PTPRN2: variants seen among roughly 807,000 people sequenced by gnomAD.
PTPRN2 encodes protein tyrosine phosphatase receptor type N2.
In PTPRN2, 74 loss-of-function variants were observed where a neutral mutation model predicts 118.8. That is an observed-to-expected ratio of 0.62 (90% CI 0.52 to 0.76). PTPRN2 has a LOEUF of 0.76. Among genes scored for constraint, PTPRN2 ranks in the 30% least tolerant of loss-of-function variants. The probability of loss-of-function intolerance (pLI) is 0.00; values close to 1 mark genes in which losing one functional copy is unlikely to be tolerated. For synonymous variants in PTPRN2, 641 were observed against 608.0 expected (o/e 1.05, Z -0.80); for missense variants, 1,481 against 1,394.4 (o/e 1.06, Z -0.99).
At chr7:158,111,836 C>T (rs1459095868) in intron 9 of PTPRN2, among the ~76,000 whole-genome samples, 2 of 152,132 alleles carry the variant, frequency 1.3e-5, no homozygotes, top group East Asian at 1.9e-4. Context: ...ATGTTGAAAT[C>T]CTAAAACCCA....
intron 2 of PTPRN2, among the ~76,000 whole-genome samples, chr7:158,340,814 ATG>A (rs1396063575): frequency 3.5e-5 from 1 of 28,768 alleles, no homozygotes; most frequent in African/African-American, 1.2e-4. Context: ...ACACCCACAC[ATG>A]TCACTCACAC....
chr7:158,510,762 G>A (rs1315663164), intron 1 of PTPRN2, among the ~76,000 whole-genome samples: 1 of 152,204 alleles, frequency 6.6e-6, no homozygotes. Flanking sequence ...TAGGTCGGAT[G>A]TGAATGTAAA....
At chr7:157,638,531 G>A (rs1183957820) in intron 14 of PTPRN2, among the ~76,000 whole-genome samples, 1 of 152,252 alleles carries the variant, frequency 6.6e-6, no homozygotes, top group Admixed American at 6.5e-5. Flanking sequence ...CAATTGCTTT[G>A]AAACGAGGAG....
intron 10 of PTPRN2, among the ~76,000 whole-genome samples, chr7:158,083,724 T>G (rs140135534): frequency 1.6e-3 from 248 of 152,202 alleles, no homozygotes; most frequent in African/African-American, 5.8e-3. Context: ...ACCCTCGGGG[T>G]ACATCTCGCA....
chr7:158,081,284 G>A lies in PTPRN2; in HGVS notation c.1723+14C>T, dbSNP rs142656223. 3.0e-4 allele frequency: 489 copies of A among 1,611,386 alleles called. 1 individual carries two copies. In the African/African-American group the frequency reaches 5.5e-3, roughly 18 times the overall value. The stretch of plus-strand genomic sequence containing the variant: ...CGTGTGTGTGCGTGTACGTGTGTGT[G>A]GAAACAGCCTCACCTGTGGCCTTCT... On this transcript the variant is annotated intron_variant, in intron 11 of 22. Transcript: ENST00000389418.
rs771656709 is a variant in PTPRN2, at chr7:157,895,553, A to AT, written c.1788+3119dup. 4.6e-5 allele frequency among the ~76,000 whole-genome samples: 7 copies of AT among 152,356 alleles called. No homozygotes were observed. In the East Asian group the frequency reaches 1.3e-3, roughly 29 times the overall value. ...AGATTTGATAAATTACTAAATAAAAATTTTTTTCTAAGTGAAAAATACAGT... is the reference window on the plus strand; with the variant it reads ...AGATTTGATAAATTACTAAATAAAAATTTTTTTTCTAAGTGAAAAATACAGT... On this transcript the variant is annotated intron_variant, in intron 12 of 22. Transcript: ENST00000389418.
chr7:158,395,033 C>T (rs1290220638), intron 2 of PTPRN2, among the ~76,000 whole-genome samples: 3 of 152,190 alleles, frequency 2.0e-5, no homozygotes, highest in African/African-American at 7.2e-5. Flanking sequence ...TGTAAAACTT[C>T]GGCTCCTCTA....
chr7:158,334,455 T>TCC (rs1805172501), intron 2 of PTPRN2, among the ~76,000 whole-genome samples: 2 of 9,540 alleles, frequency 2.1e-4, no homozygotes, highest in Non-Finnish European at 5.8e-4. Flanking sequence ...CCATAAGAGG[T>TCC]GACGCCCATA....
chr7:158,315,095 A>C (rs111611602), intron 3 of PTPRN2, among the ~76,000 whole-genome samples: 5 of 22,388 alleles, frequency 2.2e-4, no homozygotes, highest in South Asian at 3.3e-3. Flanking sequence ...GGGACCCCCT[A>C]AAGGACAGAG....
chr7:158,217,453 G>T (rs1282692170), intron 3 of PTPRN2, among the ~76,000 whole-genome samples: 1 of 152,094 alleles, frequency 6.6e-6, no homozygotes, highest in African/African-American at 2.4e-5. Context: ...AAAACAAAAA[G>T]CCCTATCCCC....
At chr7:158,007,782 GGCTGTGTGTGGGTGGGTGT>G (rs567581262) in intron 11 of PTPRN2, among the ~76,000 whole-genome samples, 282 of 151,610 alleles carry the variant, frequency 1.9e-3, no homozygotes, top group Admixed American at 3.1e-3. Flanking sequence ...TGCTGTGTGT[GGCTGTGTGTGGGTGGGTGT>G]GCTGTATGTG....
chr7:158,131,607 C>T (rs1266026425), intron 9 of PTPRN2, among the ~76,000 whole-genome samples: 1 of 149,744 alleles, frequency 6.7e-6, no homozygotes, highest in African/African-American at 2.5e-5. Context: ...AACATACAAA[C>T]CAATACACAT....
intron 11 of PTPRN2, among the ~76,000 whole-genome samples, chr7:158,023,421 T>G (rs950072097): frequency 6.6e-6 from 1 of 152,142 alleles, no homozygotes; most frequent in African/African-American, 2.4e-5. Flanking sequence ...ACTGTGGCTG[T>G]GTGTATTTTT....
intron 14 of PTPRN2, among the ~76,000 whole-genome samples, chr7:157,637,461 C>T (rs1348866159): frequency 3.9e-5 from 6 of 152,178 alleles, no homozygotes; most frequent in Admixed American, 6.5e-5. Flanking sequence ...CAGCCTCCAG[C>T]AGCCTGGGGA....
chr7:157,576,684 C>G lies in PTPRN2; in HGVS notation c.2712G>C (p.Thr904=). The change falls in exon 19 of 23, where the codon ACG becomes ACC. Residue 904 remains threonine (T), a synonymous_variant. Transcript: ENST00000389418. ...CATACCAACTCAGGAAGTGGAACTG[C>G]GTCACGGTGCGCGTCTCGTTGGTCT... ...NLQTNETRTV[T]QFHFLSWYDR... 1 of 1,611,626 alleles carries G rather than the reference C, an allele frequency of 6.2e-7. No homozygotes were observed. Among genetic ancestry groups the G allele is most frequent in the Non-Finnish European group, 8.5e-7 (1 of 1,178,826 alleles).
At chr7:157,735,929 G>A (rs1292506023) in intron 12 of PTPRN2, among the ~76,000 whole-genome samples, 1 of 152,240 alleles carries the variant, frequency 6.6e-6, no homozygotes, top group African/African-American at 2.4e-5. Flanking sequence ...GCTGCCCCAA[G>A]ATTCTCCAGG....
intron 2 of PTPRN2, among the ~76,000 whole-genome samples, chr7:158,418,668 C>T (rs185015580): frequency 6.6e-6 from 1 of 151,676 alleles, no homozygotes; most frequent in East Asian, 1.9e-4. Flanking sequence ...CAGTGTCCCC[C>T]TGTGTTAAGT....
At chr7:157,738,047 G>C (rs181035012) in intron 12 of PTPRN2, among the ~76,000 whole-genome samples, 1 of 152,334 alleles carries the variant, frequency 6.6e-6, no homozygotes, top group East Asian at 1.9e-4. Flanking sequence ...TTCCTGTGGA[G>C]AGCTGTTATT....
chr7:158,490,592 G>T (rs926794756), intron 1 of PTPRN2, among the ~76,000 whole-genome samples: 1 of 152,246 alleles, frequency 6.6e-6, no homozygotes. Flanking sequence ...AGCGGCTCCC[G>T]CGAGGGCGTG....
Sources: gnomAD v4.1 joint callset for allele counts (sites outside exome capture counted in the v4.1 genomes callset) on GRCh38, gnomAD v4.1.1 for gene constraint, MANE v1.5 for transcripts, NCBI Gene and HGNC (gene_info 2026-07-23, HGNC 2026-07-21) for gene names.